PLXNB2: variants seen among roughly 807,000 people sequenced by gnomAD.
The protein encoded by PLXNB2 is plexin-B2.
In PLXNB2, 85 loss-of-function variants were observed where a neutral mutation model predicts 202.6. The ratio of observed to expected loss-of-function variants is 0.42; its 90% CI spans 0.35 to 0.50. PLXNB2 has a LOEUF of 0.50. Ranked by LOEUF, PLXNB2 falls within the 20% of genes least tolerant of loss-of-function variation. PLXNB2 has a pLI of 0.02. For synonymous variants in PLXNB2, 1,239 were observed against 1,137.6 expected (o/e 1.09, Z -1.79); for missense variants, 2,063 against 2,586.2 (o/e 0.80, Z 4.39).
intron 1 of PLXNB2, chr22:50,300,204 G>T: frequency 1.1e-6 from 1 of 921,930 alleles, no homozygotes; most frequent in Non-Finnish European, 1.3e-6. Context: ...GTGGGAGTCT[G>T]ACCCGAGTAA....
rs760284158 is a variant in PLXNB2, at chr22:50,290,099, A to G, written c.486T>C (p.Pro162=). ...ATVGLVSSTG[P]GGDRVLFVGK... Reference sequence around the variant, plus strand: ...CCACAAACAGCACGCGGTCACCACCAGGACCCGTGGAGCTCACCAGCCCCA... The same window carrying G: ...CCACAAACAGCACGCGGTCACCACCGGGACCCGTGGAGCTCACCAGCCCCA... Residue 162 remains proline, a synonymous_variant, in exon 3 of 37, where the codon CCT becomes CCC. Transcript: ENST00000359337. 3.1e-6 allele frequency: 5 copies of G among 1,613,046 alleles called. No individual in the cohort carries two copies. The highest frequency in any genetic ancestry group is 1.6e-4 in the Middle Eastern group (1 of 6,084).
chr22:50,287,893 A>G (rs768997145), intron 6 of PLXNB2, 44 bp downstream of exon 6: 3 of 1,584,344 alleles, frequency 1.9e-6, no homozygotes, highest in Admixed American at 1.8e-5. Flanking sequence ...ACCTTCCGGG[A>G]TCCCAGAGGC....
intron 31 of PLXNB2, 48 bp downstream of exon 31, chr22:50,278,069 G>A (rs369473116): frequency 6.5e-7 from 1 of 1,529,224 alleles, no homozygotes; most frequent in Non-Finnish European, 9.0e-7. Flanking sequence ...GGGGGGGAGG[G>A]TCTCAGCGTG....
At chr22:50,281,022 C>A (rs763959029) in intron 23 of PLXNB2, 49 bp from the exon 24 acceptor site, 3 of 1,600,702 alleles carry the variant, frequency 1.9e-6, no homozygotes, top group Non-Finnish European at 2.6e-6. Context: ...GGGCCCTGAC[C>A]CCCACGCTAC....
rs955779130 is a variant in PLXNB2, at chr22:50,288,196, T to A, written c.1381-159A>T. Among the ~76,000 whole-genome samples the A allele has an allele frequency of 6.6e-6, 1 of 152,048 alleles. No homozygotes were observed. The highest frequency in any genetic ancestry group is 1.9e-4 in the East Asian group (1 of 5,176). On this transcript the variant is annotated intron_variant, in intron 5 of 36. Coordinates refer to ENST00000359337, the MANE Select transcript of PLXNB2 (RefSeq NM_012401.4). This position sits in a 1 kb window ranked among gnomAD's most constrained non-coding sequence, Gnocchi z 5.0. ...GATATTAAACAGTTCTGGCTCTGGG[T>A]GGCCATGCCTGGCCCAGGATCCCGA... is the stretch of plus-strand genomic sequence containing the variant.
At chr22:50,287,440 G>A (rs1227317759) in intron 7 of PLXNB2, among the ~76,000 whole-genome samples, 176 bp from the exon 8 acceptor site, 4 of 152,118 alleles carry the variant, frequency 2.6e-5, no homozygotes, top group Non-Finnish European at 5.9e-5. Context: ...CTGGGACAGG[G>A]CCTGAGTCCA....
At chr22:50,282,455 C>T (rs1027788545) in intron 18 of PLXNB2, 142 bp from the exon 19 acceptor site, 21 of 746,814 alleles carry the variant, frequency 2.8e-5, no homozygotes, top group African/African-American at 1.5e-4. Flanking sequence ...AGGGGCAACG[C>T]GGTGGGACGT....
chr22:50,276,430 T>TGGGTGCAGCCGCAGGGAG (rs1601667928), intron 35 of PLXNB2, among the ~76,000 whole-genome samples, 199 bp downstream of exon 35: 2 of 3,534 alleles, frequency 5.7e-4, no homozygotes, highest in Non-Finnish European at 1.4e-3. Context: ...GGGCAGGGCC[T>TGGGTGCAGCCGCAGGGAG]GGCTCCAAGC....
intron 19 of PLXNB2, 29 bp from the exon 20 acceptor site, chr22:50,282,110 C>T (rs375696072): frequency 4.8e-5 from 77 of 1,604,222 alleles, no homozygotes; most frequent in Admixed American, 6.7e-5. Context: ...TGTCAGCCCC[C>T]GGGCGCAGAC....
rs573349305 is a variant in PLXNB2, at chr22:50,279,016, C to A, written c.4390-5G>T. ...CTGCACGATCACGCTCACCGTCTGC[C>A]GAGACATCCGGGATGAAGCCCAGTG... On this transcript the variant is annotated splice_region_variant and splice_polypyrimidine_tract_variant and intron_variant, in intron 27 of 36. Transcript: ENST00000359337. The A allele has an allele frequency of 3.1e-6, 5 of 1,599,916 alleles. No individual in the cohort carries two copies. The South Asian group carries it at 3.4e-5, about 11-fold the overall frequency.
Position 50,288,522 on chromosome 22 carries a change from G to A in PLXNB2, c.1380+221C>T, listed in dbSNP as rs886823136. Among the ~76,000 whole-genome samples the A allele has an allele frequency of 6.6e-6, 1 of 152,030 alleles. No homozygotes were observed. The highest frequency in any genetic ancestry group is 2.4e-5 in the African/African-American group (1 of 41,380). ...GAGAGACATGGTTGAGACCACAAAG[G>A]ACAAACAGAAGGAGCGGCAGAGACG... On this transcript the variant is annotated intron_variant, in intron 5 of 36. Transcript: ENST00000359337. This position sits in a 1 kb window ranked among gnomAD's most constrained non-coding sequence, Gnocchi z 5.0.
intron 2 of PLXNB2, among the ~76,000 whole-genome samples, chr22:50,290,994 C>T (rs918972205): frequency 1.3e-5 from 2 of 152,174 alleles, no homozygotes; most frequent in East Asian, 3.8e-4. Context: ...TCGGGACGCA[C>T]CGGCCCCAGC....
chr22:50,305,833 GC>G (rs2147738245), intron 1 of PLXNB2, among the ~76,000 whole-genome samples: 1 of 152,224 alleles, frequency 6.6e-6, no homozygotes, highest in Admixed American at 6.5e-5. Flanking sequence ...CCCTGGGTGG[GC>G]CCAGAGCTCC....
At position 50,289,976 on chromosome 22, in the gene PLXNB2, G is replaced by A. The variant is rs563687885; in HGVS notation, c.609C>T (p.His203=). The change falls in exon 3 of 37, where the codon CAC becomes CAT. Residue 203 remains histidine, a synonymous_variant. Transcript: ENST00000359337. This position sits in a 1 kb window ranked among gnomAD's most constrained non-coding sequence, Gnocchi z 8.0. The stretch of plus-strand genomic sequence containing the variant: ...ACAGGTAGCCGGCCTTGTAGGTGGC[G>A]TGGTCCGTGTAGGCTTCAAAGGCCT... The part of the protein sequence containing the change: ...SREAFEAYTD[H]ATYKAGYLST... 2.9e-5 allele frequency: 46 copies of A among 1,613,344 alleles called. No homozygotes were observed. The highest frequency in any genetic ancestry group is 3.4e-5 in the Non-Finnish European group (40 of 1,180,018).
In PLXNB2 at chr22:50,288,164, C is replaced by T. The variant is rs979529569; in HGVS notation, c.1381-127G>A. ...GGGGCCTCGGGAGCCTCAGACACCT[C>T]AGGCTTGATATTAAACAGTTCTGGC... is the stretch of plus-strand genomic sequence containing the variant. On this transcript the variant is annotated intron_variant, in intron 5 of 36. Transcript: ENST00000359337. The surrounding 1 kb of genome is among the most constrained non-coding windows in gnomAD (Gnocchi z 5.0). 6 of 676,114 alleles carry T rather than the reference C, an allele frequency of 8.9e-6. No homozygotes were observed. Among genetic ancestry groups the T allele is most frequent in the African/African-American group, 7.3e-5 (4 of 55,054 alleles). 41.9% of individuals were successfully genotyped at this position (676,114 alleles called of 1,614,324 possible). A position where few individuals can be genotyped will look rare whatever the true frequency, so the allele number is the denominator to read the frequency against.
chr22:50,283,845 G>A lies in PLXNB2; in HGVS notation c.2409C>T (p.Pro803=), dbSNP rs550334821. The A allele has an allele frequency of 1.3e-5, 21 of 1,609,286 alleles. No homozygotes were observed. The highest frequency in any genetic ancestry group is 1.7e-4 in the Middle Eastern group (1 of 6,034). The change falls in exon 14 of 37, where the codon CCC becomes CCT. Residue 803 remains proline (P), a synonymous_variant. Coordinates refer to ENST00000359337, the MANE Select transcript of PLXNB2 (RefSeq NM_012401.4). ...TCGAGGGGCTCACCCTGGTGATGAC[G>A]GGCGGCGGGCACTCGGAGGTGGTGT... ...LCNTTSECPP[P]VITRIQPETG...
chr22:50,303,212 A>C lies in PLXNB2; in HGVS notation c.-74+4341T>G, dbSNP rs2067772302. On this transcript the variant is annotated intron_variant, in intron 1 of 36. Transcript: ENST00000359337. ...GACCCCAGCTGAGGACAGAGCATGG[A>C]CCCCAGGCAAATGCAGTGACAATCA... 2.6e-5 allele frequency among the ~76,000 whole-genome samples: 4 copies of C among 152,048 alleles called. No homozygotes were observed. In the South Asian group the frequency reaches 6.2e-4, roughly 24 times the overall value.
intron 33 of PLXNB2, among the ~76,000 whole-genome samples, chr22:50,277,187 G>C (rs1318609635): frequency 6.6e-6 from 1 of 152,032 alleles, no homozygotes. Context: ...TGTAGTCCCA[G>C]CTACTCAGGA....
Position 50,287,770 on chromosome 22 carries a change from G to A in PLXNB2, c.1505C>T (p.Pro502Leu), listed in dbSNP as rs752246192. The A allele has an allele frequency of 3.3e-5, 52 of 1,582,908 alleles. No individual in the cohort carries two copies. Among genetic ancestry groups the A allele is most frequent in the Middle Eastern group, 3.3e-4 (2 of 6,040 alleles). ...EGRCTRKAEC[P>L]RAEEASHWLW... Reference sequence around the variant, plus strand: ...CCAGTGGCTGGCCTCCTCGGCCCGCGGACACTCGGCCTTCCGGGTGCATCT... The same window carrying A: ...CCAGTGGCTGGCCTCCTCGGCCCGCAGACACTCGGCCTTCCGGGTGCATCT... Residue 502 changes from proline to leucine, a missense_variant, in exon 7 of 37, where the codon CCG becomes CTG. Around this residue, in one of 2 missense-constraint regions of PLXNB2, gnomAD observed 1,303 missense variants for 1,476.8 expected, o/e 0.88. Coordinates refer to ENST00000359337, the MANE Select transcript of PLXNB2 (RefSeq NM_012401.4).
Sources: gnomAD v4.1 joint callset for allele counts (sites outside exome capture counted in the v4.1 genomes callset) on GRCh38, gnomAD v4.1.1 for gene constraint, gnomAD v4.1.1 regional missense constraint, Gnocchi (gnomAD v3.1) non-coding constraint, MANE v1.5 for transcripts, NCBI Gene and HGNC (gene_info 2026-07-23, HGNC 2026-07-21) for gene names.